The following DNAH1 variants were observed in gnomAD, a reference collection of about 807,000 sequenced individuals.
DNAH1 encodes axonemal beta dynein heavy chain 1.
A neutral mutation model predicts 484.3 loss-of-function variants in DNAH1; 327 were observed. The observed-to-expected ratio is 0.68, with a 90% CI of 0.62 to 0.74. The LOEUF is 0.74. Ranked by LOEUF, DNAH1 falls within the 30% of genes least tolerant of loss-of-function variation. The probability of loss-of-function intolerance (pLI) is 0.00; values close to 1 mark genes in which losing one functional copy is unlikely to be tolerated. For missense variants in DNAH1, 5,052 were observed against 5,546.8 expected (o/e 0.91, Z 2.83); for synonymous variants, 2,192 against 2,191.9 (o/e 1.00, Z 0.00).
Position 52,381,359 on chromosome 3 carries a change from C to T in DNAH1, c.7609-281C>T, listed in dbSNP as rs761743237. ...AACTCCTGGGCTCAAGTGATCCTCC[C>T]GCCTTGGCTTCCCACAGTGCTGGGA... is the stretch of plus-strand genomic sequence containing the variant. On this transcript the variant is annotated intron_variant, in intron 48 of 77. Transcript: ENST00000420323. This position sits in a 1 kb window ranked among gnomAD's most constrained non-coding sequence, Gnocchi z 4.1. Among the ~76,000 whole-genome samples, 9 of 152,162 alleles carry T rather than the reference C, an allele frequency of 5.9e-5. No individual in the cohort carries two copies. Among genetic ancestry groups the T allele is most frequent in the Admixed American group, 1.3e-4 (2 of 15,280 alleles).
rs200576671 is a variant in DNAH1, at chr3:52,388,332, C to T, written c.9169C>T (p.Arg3057Trp). The stretch of plus-strand genomic sequence containing the variant: ...TGTGGCCAAGGCCGTGGAGCCCAAG[C>T]GGGTGAGGGCTGAGTGGAGCTGGTG... ...HFVAKAVEPKRQALLEAQDDL... is the reference protein window; with the variant it reads ...HFVAKAVEPKWQALLEAQDDL... Residue 3057 changes from arginine (R) to tryptophan (W), a missense_variant and splice_region_variant, in exon 57 of 78, where the codon CGG becomes TGG. Arg to Trp is a moderately radical substitution (Grantham distance 101). This residue lies in a region of DNAH1 where 2,929 missense variants were observed against 3,409.4 expected (regional missense o/e 0.86). Coordinates refer to ENST00000420323, the MANE Select transcript of DNAH1 (RefSeq NM_015512.5). The T allele has an allele frequency of 1.9e-5, 31 of 1,601,918 alleles. No individual in the cohort carries two copies. The highest frequency in any genetic ancestry group is 8.0e-5 in the African/African-American group (6 of 74,700).
chr3:52,379,402 C>A lies in DNAH1; in HGVS notation c.7378-503C>A, dbSNP rs1432043487. Among the ~76,000 whole-genome samples the A allele has an allele frequency of 2.0e-5, 3 of 152,128 alleles. No homozygotes were observed. Among genetic ancestry groups the A allele is most frequent in the Non-Finnish European group, 4.4e-5 (3 of 68,020 alleles). ...GAAAAGGCTGGGAGCTTCCGGAGGGCAGTCCTGCCACCCAGGGAGATGCAG... is the reference window on the plus strand; with the variant it reads ...GAAAAGGCTGGGAGCTTCCGGAGGGAAGTCCTGCCACCCAGGGAGATGCAG... On this transcript the variant is annotated intron_variant, in intron 47 of 77. Transcript: ENST00000420323. The surrounding 1 kb of genome is among the most constrained non-coding windows in gnomAD (Gnocchi z 4.4).
intron 1 of DNAH1, among the ~76,000 whole-genome samples, chr3:52,318,521 A>G (rs1701033184): frequency 6.6e-6 from 1 of 152,326 alleles, no homozygotes; most frequent in African/African-American, 2.4e-5. Flanking sequence ...TTGCCCATCC[A>G]TTAGTTCATT....
rs201354986 is a variant in DNAH1, at chr3:52,354,870, T to A, written c.3508T>A (p.Ser1170Thr). The A allele has an allele frequency of 1.2e-4, 198 of 1,613,790 alleles. No homozygotes were observed. Among genetic ancestry groups the A allele is most frequent in the Middle Eastern group, 1.2e-3 (7 of 6,002 alleles). Residue 1170 changes from serine to threonine, a missense_variant, in exon 21 of 78, where the codon TCG becomes ACG. Coordinates refer to ENST00000420323, the MANE Select transcript of DNAH1 (RefSeq NM_015512.5). ...ACTGGACAAGATGGAGAAGGAGTGG[T>A]CGACCATCCTGTTCAATGTACTGCC... ...QALDKMEKEWSTILFNVLPYK... is the reference protein window; with the variant it reads ...QALDKMEKEWTTILFNVLPYK...
chr3:52,319,593 C>T (rs989104201), intron 1 of DNAH1, among the ~76,000 whole-genome samples: 2 of 152,232 alleles, frequency 1.3e-5, no homozygotes, highest in African/African-American at 4.8e-5. Context: ...GGGGGAACTG[C>T]CCAGAATGAC....
Position 52,393,469 on chromosome 3 carries a change from A to G in DNAH1, c.10610A>G (p.Glu3537Gly). 6.2e-7 allele frequency: 1 copy of G among 1,614,018 alleles called. No individual in the cohort carries two copies. The highest frequency in any genetic ancestry group is 8.5e-7 in the Non-Finnish European group (1 of 1,179,882). Residue 3537 changes from glutamate (E) to glycine (G), a missense_variant, in exon 66 of 78, where the codon GAG becomes GGG. Around this residue, in one of 4 missense-constraint regions of DNAH1, gnomAD observed 2,929 missense variants for 3,409.4 expected, o/e 0.86. Coordinates refer to ENST00000420323, the MANE Select transcript of DNAH1 (RefSeq NM_015512.5). ...CTGTGTGTTCGCATCATGATGAACG[A>G]GGGCAAAATCAACCAGGTGCTGGCA... ...FLLCVRIMMN[E>G]GKINQSEWRY...
At chr3:52,326,409 A>C in intron 4 of DNAH1, 95 bp downstream of exon 4, 1,342 of 1,368,580 alleles carry the variant, frequency 9.8e-4, no homozygotes, top group Non-Finnish European at 1.2e-3. Flanking sequence ...GATAATCCTC[A>C]TGGCAGAGCC....
chr3:52,352,210 CAT>C, intron 17 of DNAH1, 107 bp downstream of exon 17: 1 of 1,430,730 alleles, frequency 7.0e-7, no homozygotes, highest in Non-Finnish European at 9.4e-7. Context: ...GCTGAGTCAA[CAT>C]GTGATGGGCG....
At chr3:52,351,811 G>A (rs1005388223) in intron 16 of DNAH1, 151 bp from the exon 17 acceptor site, 4 of 928,948 alleles carry the variant, frequency 4.3e-6, no homozygotes, top group Non-Finnish European at 6.5e-6. Flanking sequence ...GCAGCTGTCT[G>A]GCCCCAGGTA....
intron 8 of DNAH1, among the ~76,000 whole-genome samples, chr3:52,334,775 A>G (rs910161134): frequency 1.3e-5 from 2 of 152,190 alleles, no homozygotes; most frequent in African/African-American, 4.8e-5. Flanking sequence ...CATGGGTGAC[A>G]GAGTGAGACT....
At chr3:52,372,627 A>G (rs941824815) in intron 43 of DNAH1, among the ~76,000 whole-genome samples, 3 of 152,208 alleles carry the variant, frequency 2.0e-5, no homozygotes, top group Non-Finnish European at 2.9e-5. Context: ...GCCCTTGGAC[A>G]GGGCCCTGGG....
chr3:52,346,566 A>G lies in DNAH1; in HGVS notation c.1751A>G (p.Tyr584Cys), dbSNP rs763341681. ...ATGAGCAAGGGCTGGTACAACCTCT[A>G]CGAGACCAACTGGGAGGTGTACCTC... ...RDMSKGWYNL[Y>C]ETNWEVYLMS... The change falls in exon 11 of 78, where the codon TAC becomes TGC. Residue 584 changes from tyrosine to cysteine, a missense_variant. By Grantham distance (194) the Tyr-to-Cys change is radical. This residue lies in a region of DNAH1 where 1,263 missense variants were observed against 1,218.8 expected (regional missense o/e 1.04). Coordinates refer to ENST00000420323, the MANE Select transcript of DNAH1 (RefSeq NM_015512.5). 3 of 1,614,038 alleles carry G rather than the reference A, an allele frequency of 1.9e-6. No homozygotes were observed. Among genetic ancestry groups the G allele is most frequent in the East Asian group, 2.2e-5 (1 of 44,884 alleles).
At position 52,382,338 on chromosome 3, in the gene DNAH1, C is replaced by T. The variant is rs757502716; in HGVS notation, c.7824C>T (p.Phe2608=). The change falls in exon 50 of 78, where the codon TTC becomes TTT. Residue 2608 remains phenylalanine, a synonymous_variant. Transcript: ENST00000420323. ...CCTCCAGGGCCGAGTACGAGTGCTT[C>T]CAGATTGAACTATCCAAGAACTACG... ...LASHMAEYEC[F]QIELSKNYGM... 3 of 1,613,986 alleles carry T rather than the reference C, an allele frequency of 1.9e-6. No individual in the cohort carries two copies. Among genetic ancestry groups the T allele is most frequent in the South Asian group, 1.1e-5 (1 of 91,082 alleles).
upstream of DNAH1, among the ~76,000 whole-genome samples, chr3:52,316,028 T>A (rs1014827466): frequency 6.6e-6 from 1 of 152,018 alleles, no homozygotes; most frequent in Non-Finnish European, 1.5e-5. Flanking sequence ...GCAGTGACCA[T>A]CACATGGTAA....
rs772256984 is a variant in DNAH1 at position 52,326,345 on chromosome 3, C to T, written c.581+31C>T. 1.3e-5 allele frequency: 20 copies of T among 1,584,662 alleles called. No individual in the cohort carries two copies. The Admixed American group carries it at 1.7e-4, about 13-fold the overall frequency. ...GCTGGGTGGGCTGTGGGGAGACTGT[C>T]GGGGAGGTGGCATCCACCCGCCTCA... is the stretch of plus-strand genomic sequence containing the variant. On this transcript the variant is annotated intron_variant, in intron 4 of 77. Transcript: ENST00000420323.
At chr3:52,339,581 G>T (rs920880421) in intron 8 of DNAH1, among the ~76,000 whole-genome samples, 5 of 151,998 alleles carry the variant, frequency 3.3e-5, no homozygotes, top group African/African-American at 1.2e-4. Flanking sequence ...TAGGGGTGAT[G>T]GGAATTTTAT....
rs540592844 is a variant in DNAH1, at chr3:52,392,341, A to G, written c.10053-123A>G. 3.2e-5 allele frequency: 28 copies of G among 874,840 alleles called. No individual in the cohort carries two copies. In the South Asian group the frequency reaches 4.4e-4, roughly 14 times the overall value. 54.2% of individuals were successfully genotyped at this position (874,840 alleles called of 1,614,324 possible). ...GATGGAGGCTAGGCCTCCTAGGCCA[A>G]CACTGGCAAGGATGCTGGGCTCTTG... is the stretch of plus-strand genomic sequence containing the variant. On this transcript the variant is annotated intron_variant, in intron 63 of 77. Coordinates refer to ENST00000420323, the MANE Select transcript of DNAH1 (RefSeq NM_015512.5).
intron 44 of DNAH1, among the ~76,000 whole-genome samples, chr3:52,373,496 C>T (rs1325343570): frequency 2.0e-5 from 3 of 152,244 alleles, no homozygotes; most frequent in Admixed American, 6.5e-5. Context: ...AGCAAATTTC[C>T]GTCAGGAAAA....
At position 52,392,508 on chromosome 3, in the gene DNAH1, G is replaced by T; in HGVS notation, c.10097G>T (p.Arg3366Leu). 6.2e-7 allele frequency: 1 copy of T among 1,613,884 alleles called. No individual in the cohort carries two copies. The highest frequency in any genetic ancestry group is 1.1e-5 in the South Asian group (1 of 91,046). The change falls in exon 64 of 78, where the codon CGA (arginine) becomes CTA (leucine). Residue 3366 changes from arginine to leucine, a missense_variant. Coordinates refer to ENST00000420323, the MANE Select transcript of DNAH1 (RefSeq NM_015512.5). ...CTGGGCCAGGTAGTGGCAGAGGAGC[G>T]ACCCGACCTGGAGGAGGCCAAGAAC... ...QLLGQVVAEERPDLEEAKNQL... is the reference protein window; with the variant it reads ...QLLGQVVAEELPDLEEAKNQL...
Sources: gnomAD v4.1 joint callset for allele counts (sites outside exome capture counted in the v4.1 genomes callset) on GRCh38, gnomAD v4.1.1 for gene constraint, gnomAD v4.1.1 regional missense constraint, Gnocchi (gnomAD v3.1) non-coding constraint, MANE v1.5 for transcripts, NCBI Gene and HGNC (gene_info 2026-07-23, HGNC 2026-07-21) for gene names.